CLYBL: variants seen among roughly 807,000 people sequenced by gnomAD.
CLYBL encodes citramalyl-CoA lyase, mitochondrial.
A neutral mutation model predicts 38.9 loss-of-function variants in CLYBL; 31 were observed. That is an observed-to-expected ratio of 0.80 (90% CI 0.60 to 1.08). CLYBL has a LOEUF of 1.08. Ranked by LOEUF, CLYBL falls within the 50% of genes least tolerant of loss-of-function variation. The pLI is 0.00. For synonymous variants in CLYBL, 171 were observed against 158.6 expected, an observed-to-expected ratio of 1.08 and a Z score of -0.59; for missense variants, 434 against 411.6, an observed-to-expected ratio of 1.05 and a Z score of -0.47.
At chr13:99,609,286 C>T (rs1446548007) in intron 1 of CLYBL, among the ~76,000 whole-genome samples, 1 of 147,014 alleles carries the variant, frequency 6.8e-6, no homozygotes, top group East Asian at 2.0e-4. Context: ...AAGCGATTCT[C>T]CTGCTCCAGC....
chr13:99,699,331 G>A (rs1179935645), intron 1 of CLYBL, among the ~76,000 whole-genome samples: 2 of 152,056 alleles, frequency 1.3e-5, no homozygotes, highest in Non-Finnish European at 2.9e-5. Context: ...GTTGTGGTAA[G>A]CTGAGATCGT....
At chr13:99,650,020 T>C (rs2047228289) in intron 1 of CLYBL, among the ~76,000 whole-genome samples, 1 of 152,004 alleles carries the variant, frequency 6.6e-6, no homozygotes, top group Non-Finnish European at 1.5e-5. Context: ...TCCCAGCACT[T>C]TGGGAGGCCG....
intron 2 of CLYBL, among the ~76,000 whole-genome samples, chr13:99,841,738 C>G (rs1437947648): frequency 6.6e-6 from 1 of 151,896 alleles, no homozygotes; most frequent in Non-Finnish European, 1.5e-5. Context: ...AACGTGGGAA[C>G]CTTCCTAAAT....
At chr13:99,617,282 A>G (rs2046725657) in intron 1 of CLYBL, among the ~76,000 whole-genome samples, 1 of 151,172 alleles carries the variant, frequency 6.6e-6, no homozygotes, top group African/African-American at 2.5e-5. Context: ...CACGCTAAAA[A>G]TTGGCACTTT....
At chr13:99,777,584 TCGGGTTC>T in intron 2 of CLYBL, among the ~76,000 whole-genome samples, 1 of 151,728 alleles carries the variant, frequency 6.6e-6, no homozygotes. Context: ...CCTCCGCCTC[TCGGGTTC>T]AAGAGATTCT....
chr13:99,624,810 A>G (rs1399131231), intron 1 of CLYBL, among the ~76,000 whole-genome samples: 1 of 152,150 alleles, frequency 6.6e-6, no homozygotes, highest in Non-Finnish European at 1.5e-5. Context: ...CCCTTCCTCA[A>G]CACAGGACCA....
At chr13:99,798,634 C>T (rs2050069280) in intron 2 of CLYBL, among the ~76,000 whole-genome samples, 1 of 152,152 alleles carries the variant, frequency 6.6e-6, no homozygotes. Flanking sequence ...AAACTTTCCC[C>T]TTAATCCTTA....
intron 7 of CLYBL, among the ~76,000 whole-genome samples, chr13:99,874,128 G>C (rs1174523272): frequency 6.6e-6 from 1 of 152,122 alleles, no homozygotes; most frequent in Admixed American, 6.5e-5. Context: ...GGGACTCTAG[G>C]TTATCTTATC....
At chr13:99,668,360 G>A (rs2047514329) in intron 1 of CLYBL, among the ~76,000 whole-genome samples, 1 of 152,118 alleles carries the variant, frequency 6.6e-6, no homozygotes, top group Non-Finnish European at 1.5e-5. Flanking sequence ...CAAGGCAGGT[G>A]GATCACCTGA....
intron 1 of CLYBL, among the ~76,000 whole-genome samples, chr13:99,740,829 T>C (rs2048742260): frequency 6.6e-6 from 1 of 152,132 alleles, no homozygotes; most frequent in African/African-American, 2.4e-5. Flanking sequence ...GCTGGATCAA[T>C]GGCAGGAATT....
chr13:99,736,469 A>C (rs1299043671), intron 1 of CLYBL, among the ~76,000 whole-genome samples: 2 of 151,962 alleles, frequency 1.3e-5, no homozygotes, highest in African/African-American at 4.8e-5. Flanking sequence ...CATCTGTAAC[A>C]AACTGCAGCA....
At chr13:99,770,815 G>A (rs1381930921) in intron 1 of CLYBL, among the ~76,000 whole-genome samples, 2 of 151,480 alleles carry the variant, frequency 1.3e-5, no homozygotes, top group Non-Finnish European at 2.9e-5. Flanking sequence ...TCCACCTCCT[G>A]GGTTCAAGCG....
chr13:99,773,591 C>T (rs548424118), intron 2 of CLYBL, among the ~76,000 whole-genome samples: 6 of 152,210 alleles, frequency 3.9e-5, no homozygotes, highest in South Asian at 2.1e-4. Flanking sequence ...GAAACCATTG[C>T]GCCGCCCCAC....
rs574000410 is a variant in CLYBL at position 99,860,246 on chromosome 13, T to G, written c.438+1197T>G. On this transcript the variant is annotated intron_variant, in intron 3 of 8. Transcript: ENST00000339105. Reference sequence around the variant, plus strand: ...TATTGATTACACATTGAAATAATATTTGGGATCTATTGGGCTAAATACAAG... The same window carrying G: ...TATTGATTACACATTGAAATAATATGTGGGATCTATTGGGCTAAATACAAG... Among the ~76,000 whole-genome samples, 10 of 152,288 alleles carry G rather than the reference T, an allele frequency of 6.6e-5. No individual in the cohort carries two copies. The East Asian group carries it at 1.3e-3, about 21-fold the overall frequency.
At chr13:99,746,039 A>AAT (rs1555298734) in intron 1 of CLYBL, among the ~76,000 whole-genome samples, 343 of 150,646 alleles carry the variant, frequency 2.3e-3, no homozygotes, top group African/African-American at 6.0e-3. Context: ...AAAAAAAAAA[A>AAT]TTTTTTTCAG....
At chr13:99,782,119 G>A (rs888439896) in intron 2 of CLYBL, among the ~76,000 whole-genome samples, 6 of 151,728 alleles carry the variant, frequency 4.0e-5, no homozygotes, top group African/African-American at 1.5e-4. Flanking sequence ...GATCTTCCTG[G>A]GGTCAGTTTT....
chr13:99,645,803 G>A (rs2047168422), intron 1 of CLYBL, among the ~76,000 whole-genome samples: 1 of 151,966 alleles, frequency 6.6e-6, no homozygotes, highest in African/African-American at 2.4e-5. Flanking sequence ...TTTGTTGATT[G>A]TTTTCCTTTG....
intron 2 of CLYBL, among the ~76,000 whole-genome samples, chr13:99,782,504 TG>T (rs912057693): frequency 2.4e-4 from 37 of 152,100 alleles, no homozygotes; most frequent in Admixed American, 4.6e-4. Context: ...GGCTCTGTCT[TG>T]GGGGGAAAAA....
intron 1 of CLYBL, among the ~76,000 whole-genome samples, chr13:99,760,311 T>C (rs1365752550): frequency 1.3e-5 from 2 of 152,264 alleles, no homozygotes; most frequent in Non-Finnish European, 2.9e-5. Flanking sequence ...GTTCTCAACT[T>C]CATTATCACT....
Sources: gnomAD v4.1 joint callset for allele counts (sites outside exome capture counted in the v4.1 genomes callset) on GRCh38, gnomAD v4.1.1 for gene constraint, MANE v1.5 for transcripts, NCBI Gene and HGNC (gene_info 2026-07-23, HGNC 2026-07-21) for gene names.